ADAMTSL1: variants seen among roughly 807,000 people sequenced by gnomAD.
ADAMTSL1 encodes ADAMTS-like protein 1.
ADAMTSL1 carries 126 observed loss-of-function variants against 201.8 expected under a neutral mutation model. That is an observed-to-expected ratio of 0.62 (90% CI 0.54 to 0.72). The LOEUF (loss-of-function observed/expected upper bound fraction) is 0.72. Ranked by LOEUF, ADAMTSL1 falls within the 30% of genes least tolerant of loss-of-function variation. ADAMTSL1 has a pLI of 0.00. For synonymous variants in ADAMTSL1, 1,121 were observed against 903.4 expected (o/e 1.24, Z -4.32); for missense variants, 2,679 against 2,277.8 (o/e 1.18, Z -3.59).
chr9:18,153,601 A>G (rs2132053643), intron 1 of ADAMTSL1, among the ~76,000 whole-genome samples: 1 of 152,106 alleles, frequency 6.6e-6, no homozygotes, highest in South Asian at 2.1e-4. Context: ...ATGGGTGAGG[A>G]CTGAAGCCCC....
intron 2 of ADAMTSL1, among the ~76,000 whole-genome samples, chr9:18,316,926 C>G (rs1017858537): frequency 1.3e-5 from 2 of 152,150 alleles, no homozygotes; most frequent in African/African-American, 4.8e-5. Flanking sequence ...ATATCTACAC[C>G]TCCATATTTA....
At chr9:18,842,817 G>A (rs1825814691) in intron 23 of ADAMTSL1, among the ~76,000 whole-genome samples, 1 of 151,996 alleles carries the variant, frequency 6.6e-6, no homozygotes. Context: ...TTTGATCTTT[G>A]TTGGTTTGAA....
At chr9:18,237,723 G>T (rs1830903722) in intron 2 of ADAMTSL1, among the ~76,000 whole-genome samples, 1 of 152,296 alleles carries the variant, frequency 6.6e-6, no homozygotes, top group South Asian at 2.1e-4. Flanking sequence ...CATTTGAAAA[G>T]ATTCTGTAAC....
At chr9:18,502,719 C>T (rs572975604) in intron 1 of ADAMTSL1, among the ~76,000 whole-genome samples, 61 of 152,102 alleles carry the variant, frequency 4.0e-4, no homozygotes, top group Non-Finnish European at 7.9e-4. Context: ...CATAAAACTG[C>T]TAGCAGATTA....
At chr9:18,584,525 C>G (rs1359738914) in intron 4 of ADAMTSL1, among the ~76,000 whole-genome samples, 2 of 152,186 alleles carry the variant, frequency 1.3e-5, no homozygotes, top group East Asian at 3.9e-4. Context: ...CAGCCAAGTT[C>G]TCTGCCACTG....
At chr9:18,671,569 A>C (rs1587854334) in intron 9 of ADAMTSL1, among the ~76,000 whole-genome samples, 1 of 150,090 alleles carries the variant, frequency 6.7e-6, no homozygotes, top group Non-Finnish European at 1.5e-5. Context: ...ACAGGAGAAG[A>C]AGCAAGGCCA....
At chr9:18,857,636 A>T (rs979726238) in intron 23 of ADAMTSL1, among the ~76,000 whole-genome samples, 1 of 152,248 alleles carries the variant, frequency 6.6e-6, no homozygotes, top group Middle Eastern at 3.4e-3. Context: ...GTATCTTCTG[A>T]CCTTTTCCAT....
chr9:18,222,629 A>G (rs994046949), intron 2 of ADAMTSL1, among the ~76,000 whole-genome samples: 2 of 140,868 alleles, frequency 1.4e-5, no homozygotes, highest in African/African-American at 5.2e-5. Context: ...ATTTGTTTCA[A>G]TTTACTCATA....
chr9:18,254,511 C>T (rs1172860267), intron 2 of ADAMTSL1, among the ~76,000 whole-genome samples: 5 of 151,520 alleles, frequency 3.3e-5, no homozygotes, highest in African/African-American at 4.9e-5. Flanking sequence ...TACAGGCTCC[C>T]GCCACCACGC....
intron 5 of ADAMTSL1, chr9:18,622,572 C>A: frequency 1.4e-6 from 1 of 695,512 alleles, no homozygotes; most frequent in Non-Finnish European, 2.4e-6. Flanking sequence ...AAAGAGGAAG[C>A]CTGTCCTTCT....
Position 18,505,085 on chromosome 9 carries a change from G to A in ADAMTSL1, c.191+129G>A, listed in dbSNP as rs955500157. The A allele has an allele frequency of 1.2e-5, 15 of 1,202,612 alleles. No homozygotes were observed. The African/African-American group carries it at 2.2e-4, about 18-fold the overall frequency. 74.5% of individuals were successfully genotyped at this position (1,202,612 alleles called of 1,614,324 possible). On this transcript the variant is annotated intron_variant, in intron 2 of 28. Coordinates refer to ENST00000380548, the MANE Select transcript of ADAMTSL1 (RefSeq NM_001040272.6). Reference sequence around the variant, plus strand: ...TCCAGATAAAAGAAAAGAATTAAAGGAACGTACAAATAATTAAATTTGTGT... The same window carrying A: ...TCCAGATAAAAGAAAAGAATTAAAGAAACGTACAAATAATTAAATTTGTGT...
At chr9:18,269,120 A>G (rs1439743905) in intron 2 of ADAMTSL1, among the ~76,000 whole-genome samples, 4 of 152,148 alleles carry the variant, frequency 2.6e-5, no homozygotes, top group Non-Finnish European at 4.4e-5. Context: ...CATTTACCTA[A>G]CCATGATAAA....
intron 19 of ADAMTSL1, among the ~76,000 whole-genome samples, chr9:18,779,405 C>G (rs1821252191): frequency 6.6e-6 from 1 of 152,138 alleles, no homozygotes; most frequent in Non-Finnish European, 1.5e-5. Context: ...AACTGTATGC[C>G]AGACATAGTG....
chr9:18,684,942 T>C, intron 13 of ADAMTSL1, 142 bp downstream of exon 13: 2 of 1,402,648 alleles, frequency 1.4e-6, no homozygotes, highest in Middle Eastern at 2.4e-4. Flanking sequence ...AATTAAAGAT[T>C]GATTAGTTTC....
intron 2 of ADAMTSL1, among the ~76,000 whole-genome samples, chr9:18,210,334 CTT>C (rs1005382752): frequency 5.4e-5 from 8 of 148,966 alleles, no homozygotes; most frequent in African/African-American, 1.5e-4. Context: ...ATAAGAACAA[CTT>C]TTAACATATT....
chr9:18,275,527 C>T (rs1467752377), intron 2 of ADAMTSL1, among the ~76,000 whole-genome samples: 1 of 152,128 alleles, frequency 6.6e-6, no homozygotes, highest in African/African-American at 2.4e-5. Flanking sequence ...CTAATCTCAC[C>T]TTAGCCCTAG....
intron 2 of ADAMTSL1, among the ~76,000 whole-genome samples, chr9:18,255,003 G>A (rs1405509132): frequency 1.3e-5 from 2 of 152,192 alleles, no homozygotes; most frequent in Non-Finnish European, 2.9e-5. Flanking sequence ...TGTATTTAAA[G>A]TGTGACCTTA....
At chr9:18,887,139 G>A (rs574707648) in intron 23 of ADAMTSL1, among the ~76,000 whole-genome samples, 1 of 152,314 alleles carries the variant, frequency 6.6e-6, no homozygotes, top group Non-Finnish European at 1.5e-5. Flanking sequence ...GACCTTCAAG[G>A]AATTTCTCTC....
chr9:17,928,938 C>T (rs192064534), intron 1 of ADAMTSL1, among the ~76,000 whole-genome samples: 2 of 152,152 alleles, frequency 1.3e-5, no homozygotes, highest in Admixed American at 6.5e-5. Flanking sequence ...CTCTGCTTAC[C>T]ACTGCCTGCT....
Sources: allele counts gnomAD v4.1 joint callset (sites outside exome capture counted in the v4.1 genomes callset), GRCh38; gene constraint gnomAD v4.1.1; transcripts MANE v1.5; gene names NCBI Gene and HGNC (gene_info 2026-07-23, HGNC 2026-07-21).